Variants in COX7B2 observed in about 807,000 individuals in gnomAD.
COX7B2 encodes cytochrome c oxidase subunit 7B2, mitochondrial.
For missense variants in COX7B2, 109 were observed against 95.9 expected (o/e 1.14, Z -0.57); for synonymous variants, 37 against 32.1 (o/e 1.15, Z -0.51).
intron 2 of COX7B2, among the ~76,000 whole-genome samples, chr4:46,740,305 G>A (rs903819634): frequency 1.3e-5 from 2 of 151,990 alleles, no homozygotes; most frequent in Non-Finnish European, 2.9e-5. Flanking sequence ...AGAGTTTCAG[G>A]ACAATGTTAA....
intron 2 of COX7B2, among the ~76,000 whole-genome samples, chr4:46,821,957 G>T (rs1372337304): frequency 2.0e-5 from 3 of 152,152 alleles, no homozygotes; most frequent in African/African-American, 7.2e-5. Flanking sequence ...CTGTCGCCAG[G>T]CTAGAGTGCA....
intron 2 of COX7B2, among the ~76,000 whole-genome samples, chr4:46,791,956 G>T (rs1718073152): frequency 6.6e-6 from 1 of 152,188 alleles, no homozygotes; most frequent in Non-Finnish European, 1.5e-5. Context: ...CCAGTAAAAT[G>T]AGATAACATA....
At chr4:46,831,223 C>G (rs112554083) in intron 2 of COX7B2, among the ~76,000 whole-genome samples, 1 of 152,100 alleles carries the variant, frequency 6.6e-6, no homozygotes, top group Non-Finnish European at 1.5e-5. Flanking sequence ...CCAGCAGTGC[C>G]GGCCCACCAA....
intron 2 of COX7B2, among the ~76,000 whole-genome samples, chr4:46,822,184 T>A (rs2109697338): frequency 6.6e-6 from 1 of 152,308 alleles, no homozygotes; most frequent in African/African-American, 2.4e-5. Flanking sequence ...GTGTTGGGAT[T>A]ACAGACGTGA....
chr4:46,819,539 TAAA>T (rs397959996), intron 2 of COX7B2, among the ~76,000 whole-genome samples: 1,632 of 112,234 alleles, frequency 0.015, 17 homozygotes, highest in Middle Eastern at 0.073. Context: ...GCTGATGAGC[TAAA>T]AAAAAAAAAA....
rs573002703 is a variant in COX7B2, at chr4:46,746,155, C to T, written c.-49-10914G>A. ...TCAGATCTGAAAGACCTAGAGATCACTTTATATTGCCCTTTAATATTTTAA... is the reference window on the plus strand; with the variant it reads ...TCAGATCTGAAAGACCTAGAGATCATTTTATATTGCCCTTTAATATTTTAA... On this transcript the variant is annotated intron_variant, in intron 2 of 2. Transcript: ENST00000355591. Among the ~76,000 whole-genome samples the T allele has an allele frequency of 6.6e-5, 10 of 152,234 alleles. No homozygotes were observed. The South Asian group carries it at 2.1e-3, about 32-fold the overall frequency.
At chr4:46,900,446 CA>C (rs1196370473) in intron 1 of COX7B2, among the ~76,000 whole-genome samples, 25 of 152,234 alleles carry the variant, frequency 1.6e-4, no homozygotes, top group Non-Finnish European at 3.2e-4. Context: ...TTGAGTAGAA[CA>C]ACTGACCTGG....
At chr4:46,869,275 G>C (rs1217310276) in intron 1 of COX7B2, among the ~76,000 whole-genome samples, 1 of 152,110 alleles carries the variant, frequency 6.6e-6, no homozygotes, top group East Asian at 1.9e-4. Context: ...CTACATGTGA[G>C]ATCGGTGTCA....
intron 2 of COX7B2, 123 bp downstream of exon 2, chr4:46,844,837 A>C (rs1716164082): frequency 1.3e-5 from 2 of 152,140 alleles, no homozygotes; most frequent in East Asian, 3.9e-4. Context: ...AGTACATACA[A>C]TTTTTTAAAA....
At chr4:46,765,971 A>G (rs1398197943) in intron 2 of COX7B2, among the ~76,000 whole-genome samples, 2 of 152,218 alleles carry the variant, frequency 1.3e-5, no homozygotes, top group South Asian at 2.1e-4. Context: ...CCGTGGATCC[A>G]GGTGCCAAGC....
At chr4:46,757,697 C>A (rs889102601) in intron 2 of COX7B2, among the ~76,000 whole-genome samples, 1 of 152,030 alleles carries the variant, frequency 6.6e-6, no homozygotes, top group Non-Finnish European at 1.5e-5. Flanking sequence ...CCTATTCTTA[C>A]GGAGTTTATG....
chr4:46,885,360 A>T (rs970692717), intron 1 of COX7B2, among the ~76,000 whole-genome samples: 3 of 152,174 alleles, frequency 2.0e-5, no homozygotes, highest in African/African-American at 7.2e-5. Flanking sequence ...ATAGAAATAT[A>T]AAAAATTTTG....
chr4:46,879,144 G>A (rs1364374781), intron 1 of COX7B2, among the ~76,000 whole-genome samples: 1 of 151,460 alleles, frequency 6.6e-6, no homozygotes, highest in Non-Finnish European at 1.5e-5. Flanking sequence ...GTTTTTTTGA[G>A]ACAGGATCTT....
chr4:46,779,765 T>TAA (rs74987818), intron 2 of COX7B2, among the ~76,000 whole-genome samples: 1 of 144,068 alleles, frequency 6.9e-6, no homozygotes, highest in Non-Finnish European at 1.5e-5. Flanking sequence ...ATAAAAAAAT[T>TAA]AAAAAAAAAA....
intron 2 of COX7B2, among the ~76,000 whole-genome samples, chr4:46,800,776 C>T (rs972206649): frequency 6.6e-6 from 1 of 152,050 alleles, no homozygotes; most frequent in Non-Finnish European, 1.5e-5. Context: ...AAGAGTTTTG[C>T]ACAGCAAAAG....
At chr4:46,904,676 A>C (rs1720269545) in intron 1 of COX7B2, among the ~76,000 whole-genome samples, 2 of 152,206 alleles carry the variant, frequency 1.3e-5, no homozygotes, top group Non-Finnish European at 2.9e-5. Context: ...CAGCAATTCT[A>C]CTTTTAGGAA....
At chr4:46,902,638 A>C (rs1341938129) in intron 1 of COX7B2, among the ~76,000 whole-genome samples, 2 of 152,250 alleles carry the variant, frequency 1.3e-5, no homozygotes, top group Non-Finnish European at 2.9e-5. Context: ...AAGTAGGTCA[A>C]AACTACATTA....
intron 1 of COX7B2, among the ~76,000 whole-genome samples, chr4:46,851,564 C>T (rs1400209496): frequency 6.6e-6 from 1 of 152,046 alleles, no homozygotes; most frequent in Non-Finnish European, 1.5e-5. Flanking sequence ...CTAGACTTTA[C>T]TTGATAGTCA....
chr4:46,855,522 T>C (rs1044038381), intron 1 of COX7B2, among the ~76,000 whole-genome samples: 3 of 151,926 alleles, frequency 2.0e-5, no homozygotes, highest in African/African-American at 7.2e-5. Context: ...CTAATTTTCA[T>C]AGAAGAAAAT....
Sources: allele counts gnomAD v4.1 joint callset (sites outside exome capture counted in the v4.1 genomes callset), GRCh38; gene constraint gnomAD v4.1.1; transcripts MANE v1.5; gene names NCBI Gene and HGNC (gene_info 2026-07-23, HGNC 2026-07-21).